Variants in PACRG observed in about 807,000 individuals in gnomAD.
PACRG encodes the protein parkin coregulated gene protein.
Under a neutral mutation model 29.7 loss-of-function variants are expected in PACRG, and 29 were observed. The observed-to-expected ratio is 0.98, with a 90% CI of 0.73 to 1.33. The LOEUF (loss-of-function observed/expected upper bound fraction) is 1.33, where lower values mean the gene tolerates loss of function less well. Ranked by LOEUF, PACRG falls within the 40% of genes most tolerant of loss-of-function variation. The pLI, the probability that PACRG is intolerant of heterozygous loss-of-function variation, is 0.00. For synonymous variants in PACRG, 116 were observed against 118.7 expected, an observed-to-expected ratio of 0.98 and a Z score of 0.15; for missense variants, 279 against 316.2, an observed-to-expected ratio of 0.88 and a Z score of 0.89.
intron 2 of PACRG, among the ~76,000 whole-genome samples, chr6:162,977,511 G>A (rs558282637): frequency 7.3e-5 from 11 of 151,048 alleles, no homozygotes; most frequent in African/African-American, 2.7e-4. Flanking sequence ...ATAAATATTC[G>A]CCACCCTGAG....
At chr6:163,244,348 C>G (rs987377825) in intron 4 of PACRG, among the ~76,000 whole-genome samples, 1 of 152,086 alleles carries the variant, frequency 6.6e-6, no homozygotes, top group Non-Finnish European at 1.5e-5. Context: ...CTTGAATCAT[C>G]TAGTATTTTC....
intron 4 of PACRG, among the ~76,000 whole-genome samples, chr6:163,149,401 C>CT (rs1777978159): frequency 6.6e-6 from 1 of 152,306 alleles, no homozygotes; most frequent in East Asian, 1.9e-4. Flanking sequence ...AAGTGAAAAG[C>CT]CAAGGCCACG....
chr6:162,813,750 A>G (rs912204318), intron 1 of PACRG, among the ~76,000 whole-genome samples: 1 of 152,170 alleles, frequency 6.6e-6, no homozygotes, highest in Non-Finnish European at 1.5e-5. Flanking sequence ...TTACTTCAGT[A>G]TTCCATAAAG....
rs190123534 is a variant in PACRG, at chr6:163,008,625, G to A, written c.292-53525G>A. On this transcript the variant is annotated intron_variant, in intron 2 of 4. Transcript: ENST00000366888. The stretch of plus-strand genomic sequence containing the variant: ...TCAAGCCCAACGGAAAGCTTTCTAC[G>A]AGAGCCTGGGCCACCAGGAACTTTA... Among the ~76,000 whole-genome samples the A allele has an allele frequency of 6.1e-5, 9 of 148,680 alleles. No homozygotes were observed. The East Asian group carries it at 1.4e-3, about 23-fold the overall frequency.
chr6:162,744,431 A>G (rs1432324881), intron 1 of PACRG, among the ~76,000 whole-genome samples: 1 of 152,064 alleles, frequency 6.6e-6, no homozygotes, highest in African/African-American at 2.4e-5. Context: ...ACCCCCGTCT[A>G]AAACATTTTT....
intron 4 of PACRG, among the ~76,000 whole-genome samples, chr6:163,128,965 G>A (rs1197070991): frequency 6.6e-6 from 1 of 152,160 alleles, no homozygotes; most frequent in Non-Finnish European, 1.5e-5. Flanking sequence ...TAGGTGGTAT[G>A]TGTTAAATGT....
chr6:163,187,340 C>T (rs552248045), intron 4 of PACRG, among the ~76,000 whole-genome samples: 1 of 152,144 alleles, frequency 6.6e-6, no homozygotes, highest in Non-Finnish European at 1.5e-5. Context: ...AGTCAGTGCA[C>T]CCAGGCCTGT....
At chr6:162,943,873 A>G (rs1798808013) in intron 2 of PACRG, among the ~76,000 whole-genome samples, 1 of 151,932 alleles carries the variant, frequency 6.6e-6, no homozygotes, top group South Asian at 2.1e-4. Context: ...AGACCCCAGC[A>G]TGGACCACTT....
intron 4 of PACRG, among the ~76,000 whole-genome samples, chr6:163,154,061 T>C (rs1473073639): frequency 6.6e-6 from 1 of 152,252 alleles, no homozygotes; most frequent in East Asian, 1.9e-4. Context: ...GAAAGAGGGT[T>C]TTAACATCTC....
Position 162,728,352 on chromosome 6 carries a change from T to C in PACRG, c.117T>C (p.Ser39=), listed in dbSNP as rs1209903413. ...LPVHQPHSLV[S]EGFTVKAMMK... is the part of the protein sequence containing the mutation. ...TGCACCAGCCTCACTCTCTGGTTTCTGAGGGTTTCACAGTCAAAGCCATGA... is the reference window on the plus strand; with the variant it reads ...TGCACCAGCCTCACTCTCTGGTTTCCGAGGGTTTCACAGTCAAAGCCATGA... Residue 39 remains serine (S), a synonymous_variant, in exon 1 of 5, where the codon TCT becomes TCC. Coordinates refer to ENST00000366888, the MANE Select transcript of PACRG (RefSeq NM_001080379.2). 7 of 1,613,744 alleles carry C rather than the reference T, an allele frequency of 4.3e-6. No individual in the cohort carries two copies. The African/African-American group carries it at 8.0e-5, about 18-fold the overall frequency.
chr6:163,187,780 C>G (rs964893662), intron 4 of PACRG: 1 of 152,534 alleles, frequency 6.6e-6, no homozygotes, highest in African/African-American at 2.4e-5. Context: ...TCCAGCACTG[C>G]TGTGACGCGG....
intron 4 of PACRG, among the ~76,000 whole-genome samples, chr6:163,113,660 A>G (rs1235779960): frequency 2.6e-5 from 4 of 152,286 alleles, no homozygotes; most frequent in Admixed American, 6.5e-5. Flanking sequence ...ATCCAGCAAA[A>G]CTGTATATCA....
chr6:162,947,611 C>CATATATATATATAATCAT (rs1799279479), intron 2 of PACRG, among the ~76,000 whole-genome samples: 26 of 27,982 alleles, frequency 9.3e-4, no homozygotes, highest in Non-Finnish European at 1.4e-3. Flanking sequence ...TATATATAAT[C>CATATATATATATAATCAT]ATATATATAT....
At chr6:162,727,657 C>T (rs1204087943), upstream of PACRG, 3 of 1,584,678 alleles carry the variant, frequency 1.9e-6, no homozygotes, top group Non-Finnish European at 2.6e-6. Context: ...CAGGTACCCA[C>T]GTACCTATCA....
At chr6:162,771,995 T>A (rs1006743290) in intron 1 of PACRG, among the ~76,000 whole-genome samples, 2 of 152,132 alleles carry the variant, frequency 1.3e-5, no homozygotes, top group Non-Finnish European at 2.9e-5. Flanking sequence ...TCACTTCTAA[T>A]GGAAGTTGAT....
chr6:163,053,966 C>G (rs1022511136), intron 2 of PACRG: 1 of 151,944 alleles, frequency 6.6e-6, no homozygotes, highest in African/African-American at 2.4e-5. Flanking sequence ...GACAAGCTCC[C>G]TAAAAAAAAG....
At chr6:163,072,204 C>T (rs201782131) in intron 3 of PACRG, among the ~76,000 whole-genome samples, 1 of 150,200 alleles carries the variant, frequency 6.7e-6, no homozygotes, top group African/African-American at 2.5e-5. Flanking sequence ...CAACAAAATA[C>T]TAGCAAACTG....
intron 4 of PACRG, among the ~76,000 whole-genome samples, chr6:163,155,985 T>C (rs937641270): frequency 1.3e-5 from 2 of 152,212 alleles, no homozygotes; most frequent in African/African-American, 4.8e-5. Flanking sequence ...AGCTAAGAAT[T>C]GTCTCCTTCA....
intron 4 of PACRG, among the ~76,000 whole-genome samples, chr6:163,292,041 G>C (rs1784626751): frequency 6.6e-6 from 1 of 152,114 alleles, no homozygotes; most frequent in African/African-American, 2.4e-5. Flanking sequence ...CTGAGCTAAC[G>C]AAGGTTTAAG....
Sources: allele counts gnomAD v4.1 joint callset (sites outside exome capture counted in the v4.1 genomes callset), GRCh38; gene constraint gnomAD v4.1.1; transcripts MANE v1.5; gene names NCBI Gene and HGNC (gene_info 2026-07-23, HGNC 2026-07-21).